RANBP17: variants seen among roughly 807,000 people sequenced by gnomAD.
RANBP17 encodes RAN binding protein 17, also known as ran-binding protein 17.
RANBP17 carries 158 observed loss-of-function variants against 141.2 expected under a neutral mutation model. The ratio of observed to expected loss-of-function variants is 1.12; its 90% CI spans 0.98 to 1.28. RANBP17 has a LOEUF of 1.28. Among genes scored for constraint, RANBP17 ranks in the 50% most tolerant of loss-of-function variants. RANBP17 has a pLI of 0.00. For missense variants in RANBP17, 1,438 were observed against 1,290.7 expected, an observed-to-expected ratio of 1.11 and a Z score of -1.75; for synonymous variants, 430 against 450.0, an observed-to-expected ratio of 0.96 and a Z score of 0.56.
At chr5:171,185,592 G>A (rs1158137587) in intron 18 of RANBP17, among the ~76,000 whole-genome samples, 2 of 152,198 alleles carry the variant, frequency 1.3e-5, no homozygotes, top group African/African-American at 4.8e-5. Context: ...TGGTCATCCA[G>A]AAGAAGCAAC....
At chr5:171,094,677 G>A (rs186411997) in intron 14 of RANBP17, among the ~76,000 whole-genome samples, 65 of 152,164 alleles carry the variant, frequency 4.3e-4, no homozygotes, top group African/African-American at 1.5e-3. Context: ...TCAGAAGTAC[G>A]TTCTCTTCGT....
chr5:171,153,894 G>T (rs1002557533), intron 14 of RANBP17, among the ~76,000 whole-genome samples: 1 of 151,950 alleles, frequency 6.6e-6, no homozygotes, highest in African/African-American at 2.4e-5. Context: ...AGGCATGGTG[G>T]CACATACCTG....
intron 4 of RANBP17, among the ~76,000 whole-genome samples, chr5:170,893,767 T>C (rs1256829089): frequency 6.7e-6 from 1 of 149,224 alleles, no homozygotes; most frequent in East Asian, 2.0e-4. Context: ...CACTCCAGCC[T>C]GGGCAACAGA....
chr5:170,887,091 C>T (rs1317748956), intron 3 of RANBP17, among the ~76,000 whole-genome samples: 1 of 152,030 alleles, frequency 6.6e-6, no homozygotes, highest in Non-Finnish European at 1.5e-5. Context: ...CTGTTACCTT[C>T]TTTGGAAAGG....
intron 14 of RANBP17, among the ~76,000 whole-genome samples, chr5:171,149,751 A>G (rs908302126): frequency 1.3e-5 from 2 of 152,200 alleles, no homozygotes; most frequent in African/African-American, 4.8e-5. Flanking sequence ...TCTTTTGAAA[A>G]TAATTCTCTT....
chr5:170,912,001 C>G lies in RANBP17; in HGVS notation c.760+867C>G, dbSNP rs146671774. 8.8e-4 allele frequency among the ~76,000 whole-genome samples: 134 copies of G among 151,998 alleles called. No homozygotes were observed. In the Middle Eastern group the frequency reaches 0.014, roughly 15 times the overall value. On this transcript the variant is annotated intron_variant, in intron 7 of 27. Coordinates refer to ENST00000523189, the MANE Select transcript of RANBP17 (RefSeq NM_022897.5). The stretch of plus-strand genomic sequence containing the variant: ...CTGCCTTTTCCTCCCTTTTCTCTAC[C>G]TGTGCTACTTCTTTACTTTCCAAGA...
At chr5:171,069,165 A>G (rs905711786) in intron 14 of RANBP17, among the ~76,000 whole-genome samples, 7 of 152,112 alleles carry the variant, frequency 4.6e-5, no homozygotes, top group African/African-American at 1.4e-4. Context: ...ATCTACTTCT[A>G]CTTGAGGGGA....
intron 14 of RANBP17, among the ~76,000 whole-genome samples, chr5:171,160,626 A>G (rs1759281984): frequency 6.6e-6 from 1 of 152,056 alleles, no homozygotes; most frequent in African/African-American, 2.4e-5. Context: ...TCTATTCCTA[A>G]CCACTTCACT....
chr5:171,056,238 T>G (rs1783363357), intron 14 of RANBP17, among the ~76,000 whole-genome samples: 1 of 152,144 alleles, frequency 6.6e-6, no homozygotes, highest in Admixed American at 6.5e-5. Context: ...GTCCTGAAAG[T>G]TTTTTCCTGT....
At chr5:171,256,058 G>A (rs1483330375) in intron 24 of RANBP17, among the ~76,000 whole-genome samples, 1 of 152,028 alleles carries the variant, frequency 6.6e-6, no homozygotes, top group Non-Finnish European at 1.5e-5. Flanking sequence ...ATCGGTATAG[G>A]GTTTTTTCTT....
At chr5:170,982,923 A>C in intron 14 of RANBP17, 1 of 305,546 alleles carries the variant, frequency 3.3e-6, no homozygotes, top group Non-Finnish European at 6.2e-6. Context: ...AAGACAGTGA[A>C]ACATTGTCTT....
At chr5:170,999,881 T>A (rs1779081328) in intron 14 of RANBP17, among the ~76,000 whole-genome samples, 1 of 152,152 alleles carries the variant, frequency 6.6e-6, no homozygotes, top group Non-Finnish European at 1.5e-5. Flanking sequence ...TGAAACACTA[T>A]ACCCATTAAA....
intron 5 of RANBP17, among the ~76,000 whole-genome samples, chr5:170,908,537 A>T (rs1771260332): frequency 6.6e-6 from 1 of 151,256 alleles, no homozygotes; most frequent in Non-Finnish European, 1.5e-5. Flanking sequence ...GAAAGGGGTA[A>T]AGGTTGAAAA....
rs75293532 is a variant in RANBP17, at chr5:171,242,603, T to C, written c.2638-79T>C. Reference sequence around the variant, plus strand: ...AATAAGTTTACAATTTCCAGTATTATAAATGACAATTTTCACTGGACTGTA... The same window carrying C: ...AATAAGTTTACAATTTCCAGTATTACAAATGACAATTTTCACTGGACTGTA... On this transcript the variant is annotated intron_variant, in intron 23 of 27. Coordinates refer to ENST00000523189, the MANE Select transcript of RANBP17 (RefSeq NM_022897.5). 1.5e-3 allele frequency: 2,186 copies of C among 1,458,416 alleles called. 35 individuals carry two copies. In the African/African-American group the frequency reaches 0.028, roughly 19 times the overall value. 90.3% of individuals were successfully genotyped at this position (1,458,416 alleles called of 1,614,324 possible).
chr5:171,216,181 TTG>T (rs1763207436), intron 21 of RANBP17, among the ~76,000 whole-genome samples: 1 of 152,220 alleles, frequency 6.6e-6, no homozygotes, highest in South Asian at 2.1e-4. Flanking sequence ...TTGGTTGTTA[TTG>T]TCAGGTTTGT....
chr5:171,066,124 G>T (rs245761), intron 14 of RANBP17, among the ~76,000 whole-genome samples: 1 of 151,864 alleles, frequency 6.6e-6, no homozygotes, highest in Admixed American at 6.5e-5. Context: ...GGCCTCCCAA[G>T]GTGCTGGGAT....
At chr5:170,904,938 T>TA (rs1431273195) in intron 5 of RANBP17, among the ~76,000 whole-genome samples, 1 of 152,194 alleles carries the variant, frequency 6.6e-6, no homozygotes, top group Non-Finnish European at 1.5e-5. Context: ...TTCCAACCGT[T>TA]AAGGAGGTTT....
chr5:171,289,941 G>A (rs759076446), intron 25 of RANBP17, among the ~76,000 whole-genome samples: 5 of 151,982 alleles, frequency 3.3e-5, no homozygotes, highest in Non-Finnish European at 5.9e-5. Context: ...GAGAGAGTAG[G>A]ATCACTTGAG....
chr5:170,866,323 G>T (rs1322452787), intron 1 of RANBP17, among the ~76,000 whole-genome samples: 4 of 144,190 alleles, frequency 2.8e-5, no homozygotes, highest in South Asian at 4.2e-4. Context: ...GGAAGCAAAA[G>T]ATAACATTGA....
Sources: gnomAD v4.1 joint callset for allele counts (sites outside exome capture counted in the v4.1 genomes callset) on GRCh38, gnomAD v4.1.1 for gene constraint, MANE v1.5 for transcripts, NCBI Gene and HGNC (gene_info 2026-07-23, HGNC 2026-07-21) for gene names.